Variants in LAMA2 observed in about 807,000 individuals in gnomAD.
LAMA2 encodes laminin subunit alpha 2, also known as laminin subunit alpha-2.
LAMA2 carries 269 observed loss-of-function variants against 364.8 expected under a neutral mutation model. The ratio of observed to expected loss-of-function variants is 0.74; its 90% CI spans 0.67 to 0.82. LAMA2 has a LOEUF of 0.82. Ranked by LOEUF, LAMA2 falls within the 40% of genes least tolerant of loss-of-function variation. LAMA2 has a pLI of 0.00. For synonymous variants in LAMA2, 1,379 were observed against 1,370.6 expected (o/e 1.01, Z -0.14); for missense variants, 3,807 against 3,873.2 (o/e 0.98, Z 0.45).
At chr6:129,112,972 C>T (rs184443914) in intron 4 of LAMA2, among the ~76,000 whole-genome samples, 1 of 152,054 alleles carries the variant, frequency 6.6e-6, no homozygotes, top group Non-Finnish European at 1.5e-5. Flanking sequence ...AAAACAAAAA[C>T]AAAACACCTG....
chr6:129,305,776 C>G (rs1321787682), intron 22 of LAMA2, among the ~76,000 whole-genome samples: 2 of 151,524 alleles, frequency 1.3e-5, no homozygotes, highest in Non-Finnish European at 2.9e-5. Context: ...TTGGATTAAG[C>G]CTGCACTTTG....
chr6:128,923,729 C>T (rs979838892), intron 1 of LAMA2, among the ~76,000 whole-genome samples: 18 of 152,256 alleles, frequency 1.2e-4, no homozygotes, highest in African/African-American at 4.1e-4. Flanking sequence ...GATGCTAAGC[C>T]ATGCTGCAGG....
chr6:129,503,627 A>C (rs1031792449), intron 60 of LAMA2, among the ~76,000 whole-genome samples: 1 of 152,206 alleles, frequency 6.6e-6, no homozygotes, highest in African/African-American at 2.4e-5. Flanking sequence ...CGATGTATTC[A>C]ATTTTAAGGA....
At chr6:129,505,140 T>C (rs971532274) in intron 60 of LAMA2, 60 bp from the exon 61 acceptor site, 10 of 1,434,362 alleles carry the variant, frequency 7.0e-6, no homozygotes, top group South Asian at 1.1e-5. Flanking sequence ...TTATGTCTTA[T>C]ACTCTGCATA....
Position 129,216,410 on chromosome 6 carries a change from T to C in LAMA2, c.1782+23557T>C, listed in dbSNP as rs577336202. 3.9e-5 allele frequency among the ~76,000 whole-genome samples: 6 copies of C among 152,336 alleles called. No homozygotes were observed. The South Asian group carries it at 1.2e-3, about 32-fold the overall frequency. On this transcript the variant is annotated intron_variant, in intron 12 of 64. Transcript: ENST00000421865. ...GAATGAGGATGGAGACACATAGTTA[T>C]CTGAATTGCCTTAAGCTAGTTTTGC... is the stretch of plus-strand genomic sequence containing the variant.
intron 1 of LAMA2, among the ~76,000 whole-genome samples, chr6:129,033,878 A>G (rs1412785296): frequency 1.4e-5 from 2 of 145,278 alleles, no homozygotes; most frequent in Admixed American, 7.3e-5. Context: ...CATTCCAAAT[A>G]AGTGCCCCAG....
intron 34 of LAMA2, among the ~76,000 whole-genome samples, chr6:129,371,734 G>C (rs1583595384): frequency 6.6e-6 from 1 of 151,540 alleles, no homozygotes; most frequent in Non-Finnish European, 1.5e-5. Flanking sequence ...AGCCTCCCAA[G>C]TAGCTGGGAT....
At chr6:128,989,635 A>C (rs1783481089) in intron 1 of LAMA2, among the ~76,000 whole-genome samples, 1 of 152,208 alleles carries the variant, frequency 6.6e-6, no homozygotes, top group Admixed American at 6.5e-5. Flanking sequence ...CTAAATGGTA[A>C]CTTTATTCTT....
intron 14 of LAMA2, among the ~76,000 whole-genome samples, chr6:129,252,659 G>C (rs1232899822): frequency 3.3e-5 from 5 of 152,058 alleles, no homozygotes; most frequent in African/African-American, 1.2e-4. Context: ...TTTGGAAAGT[G>C]GTTTTTAAAA....
chr6:129,381,549 CT>C (rs1359678279), intron 34 of LAMA2, among the ~76,000 whole-genome samples: 1 of 151,918 alleles, frequency 6.6e-6, no homozygotes, highest in Non-Finnish European at 1.5e-5. Flanking sequence ...CCCATCAGAC[CT>C]TTGAGTGCAA....
At chr6:129,188,665 C>T (rs1781366277) in intron 10 of LAMA2, among the ~76,000 whole-genome samples, 1 of 151,906 alleles carries the variant, frequency 6.6e-6, no homozygotes, top group South Asian at 2.1e-4. Flanking sequence ...TGTCTGAAAT[C>T]TGCCTTAAAA....
intron 15 of LAMA2, among the ~76,000 whole-genome samples, chr6:129,261,327 A>G (rs1321239774): frequency 6.6e-6 from 1 of 152,154 alleles, no homozygotes; most frequent in Non-Finnish European, 1.5e-5. Context: ...CTTGATATAG[A>G]AAACTGCCTA....
At chr6:129,025,212 C>T (rs9375608) in intron 1 of LAMA2, among the ~76,000 whole-genome samples, 90,760 of 151,982 alleles carry the variant, frequency 0.6, 29,829 homozygotes, top group East Asian at 0.96. Flanking sequence ...CTCTGTACTT[C>T]CACTTTTTTA....
chr6:128,907,353 TCCC>T (rs1777554634), intron 1 of LAMA2, among the ~76,000 whole-genome samples: 1 of 148,706 alleles, frequency 6.7e-6, no homozygotes, highest in Admixed American at 6.7e-5. Flanking sequence ...GTCCTTCACA[TCCC>T]TTGTAAGTTG....
At chr6:129,261,492 C>T (rs901988429) in intron 15 of LAMA2, among the ~76,000 whole-genome samples, 3 of 152,090 alleles carry the variant, frequency 2.0e-5, no homozygotes, top group African/African-American at 7.2e-5. Flanking sequence ...TTCTTTTACA[C>T]AGAAAACTGG....
At chr6:129,274,446 C>T (rs1225167087) in intron 17 of LAMA2, among the ~76,000 whole-genome samples, 2 of 150,968 alleles carry the variant, frequency 1.3e-5, no homozygotes, top group African/African-American at 4.9e-5. Flanking sequence ...TAAAGGTTGA[C>T]GCAACCTTCA....
intron 12 of LAMA2, among the ~76,000 whole-genome samples, chr6:129,197,950 A>G (rs1781946499): frequency 6.6e-6 from 1 of 152,154 alleles, no homozygotes. Flanking sequence ...TGTTATATAA[A>G]AAGCATTTTA....
intron 49 of LAMA2, among the ~76,000 whole-genome samples, chr6:129,463,441 G>T (rs1360045786): frequency 1.3e-5 from 2 of 151,836 alleles, no homozygotes; most frequent in African/African-American, 4.8e-5. Context: ...AATGAACTGG[G>T]GGGATCTACA....
intron 1 of LAMA2, among the ~76,000 whole-genome samples, chr6:128,934,961 C>T (rs9492144): frequency 0.024 from 3,605 of 152,122 alleles, 130 homozygotes; most frequent in African/African-American, 0.083. Context: ...TGTTGTCTTC[C>T]ATTTCTTTCT....
Sources: allele counts gnomAD v4.1 joint callset (sites outside exome capture counted in the v4.1 genomes callset), GRCh38; gene constraint gnomAD v4.1.1; transcripts MANE v1.5; gene names NCBI Gene and HGNC (gene_info 2026-07-23, HGNC 2026-07-21).